Variants in CSMD1 observed in about 807,000 individuals in gnomAD.
CSMD1 encodes the protein CUB and sushi domain-containing protein 1.
Under a neutral mutation model 417.5 loss-of-function variants are expected in CSMD1, and 213 were observed. The observed-to-expected ratio is 0.51, with a 90% CI of 0.46 to 0.57. CSMD1 has a LOEUF of 0.57. CSMD1 is among the 20% of genes least tolerant of loss of function. CSMD1 has a pLI of 0.00. For synonymous variants in CSMD1, 2,862 were observed against 1,736.8 expected (o/e 1.65, Z -16.11); for missense variants, 6,923 against 4,529.7 (o/e 1.53, Z -15.17).
chr8:3,946,219 G>C (rs933239781), intron 5 of CSMD1, among the ~76,000 whole-genome samples: 17 of 152,190 alleles, frequency 1.1e-4, no homozygotes, highest in South Asian at 4.2e-4. Context: ...TAAATGACTT[G>C]ATCTTCCAAG....
chr8:4,410,901 T>C (rs1585033321), intron 3 of CSMD1, among the ~76,000 whole-genome samples: 3 of 152,328 alleles, frequency 2.0e-5, no homozygotes, highest in Admixed American at 2.0e-4. Context: ...ATAAGTTCAA[T>C]AAGATCAATG....
intron 2 of CSMD1, among the ~76,000 whole-genome samples, chr8:4,604,459 G>C (rs118027304): frequency 0.062 from 9,405 of 150,988 alleles, 434 homozygotes; most frequent in Middle Eastern, 0.1. Context: ...TCATCAACAA[G>C]TTCATGAATT....
At chr8:4,244,377 G>T (rs957603788) in intron 3 of CSMD1, among the ~76,000 whole-genome samples, 5 of 152,152 alleles carry the variant, frequency 3.3e-5, no homozygotes, top group Admixed American at 6.5e-5. Context: ...ACCTAGAAAC[G>T]GATGTTTTTA....
chr8:4,864,875 TACACAC>T (rs35135942), intron 1 of CSMD1, among the ~76,000 whole-genome samples: 1 of 146,898 alleles, frequency 6.8e-6, no homozygotes, highest in African/African-American at 2.5e-5. Context: ...TGGATTCTAC[TACACAC>T]ACACACACAC....
chr8:3,271,901 G>C lies in CSMD1; in HGVS notation c.4153+12243C>G, dbSNP rs184665222. ...AGGTTGCCTGTTCACTCTGATGGTA[G>C]TTTCTTTTGCTGTGCAGAAGCTCTT... is the stretch of plus-strand genomic sequence containing the variant. On this transcript the variant is annotated intron_variant, in intron 26 of 69. Coordinates refer to ENST00000635120, the MANE Select transcript of CSMD1 (RefSeq NM_033225.6). 8.3e-3 allele frequency among the ~76,000 whole-genome samples: 1,261 copies of C among 152,238 alleles called. 9 individuals carry two copies. The highest frequency in any genetic ancestry group is 0.02 in the Middle Eastern group (6 of 294).
At chr8:4,047,442 AG>A (rs1798205378) in intron 3 of CSMD1, among the ~76,000 whole-genome samples, 1 of 152,242 alleles carries the variant, frequency 6.6e-6, no homozygotes, top group African/African-American at 2.4e-5. Flanking sequence ...CATTTTTCCC[AG>A]GGAATTCTTA....
At chr8:4,464,561 G>C (rs1055072608) in intron 2 of CSMD1, among the ~76,000 whole-genome samples, 1 of 152,120 alleles carries the variant, frequency 6.6e-6, no homozygotes. Flanking sequence ...CAGAATGGTC[G>C]TATGGGTACT....
intron 1 of CSMD1, among the ~76,000 whole-genome samples, chr8:4,936,434 A>C (rs1364237475): frequency 6.6e-6 from 1 of 152,224 alleles, no homozygotes; most frequent in Non-Finnish European, 1.5e-5. Flanking sequence ...ATAGAAAAAA[A>C]TAGAAGGATT....
chr8:3,616,626 A>G lies in CSMD1; in HGVS notation c.1097+84T>C, dbSNP rs1802151815. ...AGTTTTATCTTTACCTCAAAAGAAC[A>G]AAAGAGTTAAATTTAACTGCAAGCT... is the stretch of plus-strand genomic sequence containing the variant. On this transcript the variant is annotated intron_variant, in intron 8 of 69. Coordinates refer to ENST00000635120, the MANE Select transcript of CSMD1 (RefSeq NM_033225.6). 1.0e-5 allele frequency: 9 copies of G among 866,322 alleles called. 1 individual carries two copies. Among genetic ancestry groups the G allele is most frequent in the South Asian group, 9.0e-5 (6 of 66,686 alleles). 53.7% of individuals were successfully genotyped at this position (866,322 alleles called of 1,614,324 possible). A position where few individuals can be genotyped will look rare whatever the true frequency, so the allele number is the denominator to read the frequency against.
intron 5 of CSMD1, among the ~76,000 whole-genome samples, chr8:3,982,453 C>T (rs1259447066): frequency 6.6e-6 from 1 of 151,934 alleles, no homozygotes; most frequent in Non-Finnish European, 1.5e-5. Flanking sequence ...AAGATCTTAA[C>T]TCACATGATT....
chr8:3,292,818 C>T (rs1024557872), intron 25 of CSMD1, among the ~76,000 whole-genome samples: 1 of 152,018 alleles, frequency 6.6e-6, no homozygotes, highest in Admixed American at 6.6e-5. Context: ...AGCATTTAGC[C>T]CATTTACATT....
chr8:2,965,673 G>A, intron 59 of CSMD1, 102 bp downstream of exon 59: 1 of 921,036 alleles, frequency 1.1e-6, no homozygotes, highest in Non-Finnish European at 1.6e-6. Context: ...AGAATTCCTA[G>A]CCCCTAGAAG....
At chr8:4,751,605 G>C (rs1811332012) in intron 1 of CSMD1, among the ~76,000 whole-genome samples, 1 of 152,148 alleles carries the variant, frequency 6.6e-6, no homozygotes, top group African/African-American at 2.4e-5. Flanking sequence ...GTTTATTCAG[G>C]ATAAATAAAT....
chr8:4,168,176 CAT>C lies in CSMD1; in HGVS notation c.416-136079_416-136078del, dbSNP rs1286930762. ...ACACACACACACACACACACACACA[CAT>C]ACACACACACGTATGTATGTATATA... On this transcript the variant is annotated intron_variant, in intron 3 of 69. Coordinates refer to ENST00000635120, the MANE Select transcript of CSMD1 (RefSeq NM_033225.6). Among the ~76,000 whole-genome samples the C allele has an allele frequency of 2.8e-4, 41 of 147,988 alleles. 1 individual carries two copies. The highest frequency in any genetic ancestry group is 7.5e-4 in the African/African-American group (30 of 40,012).
rs971619503 is a variant in CSMD1 at position 3,643,728 on chromosome 8, T to C, written c.1010-26931A>G. Among the ~76,000 whole-genome samples, 49 of 117,918 alleles carry C rather than the reference T, an allele frequency of 4.2e-4. No homozygotes were observed. The South Asian group carries it at 0.012, about 30-fold the overall frequency. 77.4% of individuals were successfully genotyped at this position (117,918 alleles called of 152,430 possible). On this transcript the variant is annotated intron_variant, in intron 7 of 69. Coordinates refer to ENST00000635120, the MANE Select transcript of CSMD1 (RefSeq NM_033225.6). Reference sequence around the variant, plus strand: ...AAAAAAAAAAAAAAAAAAAAGGAAATGCCTCCTCTGCCTTTTCCAGCTACT... The same window carrying C: ...AAAAAAAAAAAAAAAAAAAAGGAAACGCCTCCTCTGCCTTTTCCAGCTACT...
intron 2 of CSMD1, among the ~76,000 whole-genome samples, chr8:4,441,670 A>C (rs1371897652): frequency 6.6e-6 from 1 of 152,134 alleles, no homozygotes; most frequent in African/African-American, 2.4e-5. Context: ...TTTTTTCTAA[A>C]ATATTTACAG....
intron 3 of CSMD1, among the ~76,000 whole-genome samples, chr8:4,317,784 A>G (rs1799020160): frequency 6.6e-6 from 1 of 152,168 alleles, no homozygotes; most frequent in South Asian, 2.1e-4. Context: ...GTTTTCTTTT[A>G]TATAGTAAAG....
intron 5 of CSMD1, among the ~76,000 whole-genome samples, chr8:3,963,848 C>T (rs752100755): frequency 6.6e-6 from 1 of 151,956 alleles, no homozygotes; most frequent in Non-Finnish European, 1.5e-5. Context: ...ATCTTAAAAC[C>T]GCAGTTTAAG....
intron 6 of CSMD1, among the ~76,000 whole-genome samples, chr8:3,749,399 A>G (rs1253340559): frequency 6.6e-6 from 1 of 152,188 alleles, no homozygotes; most frequent in Non-Finnish European, 1.5e-5. Flanking sequence ...ACTGTAGAAC[A>G]GTTTTACTTG....
Sources: gnomAD v4.1 joint callset for allele counts (sites outside exome capture counted in the v4.1 genomes callset) on GRCh38, gnomAD v4.1.1 for gene constraint, MANE v1.5 for transcripts, NCBI Gene and HGNC (gene_info 2026-07-23, HGNC 2026-07-21) for gene names.